The following BDP1 variants were observed in gnomAD, a reference collection of about 807,000 sequenced individuals.
BDP1 encodes transcription factor TFIIIB component B'' homolog.
In BDP1, 169 loss-of-function variants were observed where a neutral mutation model predicts 266.6. The observed-to-expected ratio is 0.63, with a 90% CI of 0.56 to 0.72. The LOEUF is 0.72. BDP1 is among the 30% of genes least tolerant of loss of function. The pLI is 0.00. For missense variants in BDP1, 3,015 were observed against 3,053.8 expected (o/e 0.99, Z 0.30); for synonymous variants, 1,090 against 1,022.4 (o/e 1.07, Z -1.26).
the BDP1 span, among the ~76,000 whole-genome samples, chr5:71,575,239 C>G: frequency 6.6e-6 from 1 of 152,116 alleles, no homozygotes; most frequent in Admixed American, 6.5e-5. Context: ...ACAATGAAAC[C>G]CTAATCCAAT....
chr5:71,542,206 A>G lies in BDP1; in HGVS notation c.6353A>G (p.Asp2118Gly). The stretch of plus-strand genomic sequence containing the variant: ...ACTTTAGGGACCAACAGGCTTGATG[A>G]TTATCAGGAAGTTTCCAGTTTGTGT... The part of the protein sequence containing the change: ...EKTLGTNRLD[D>G]YQEVSSLCVT... Residue 2118 changes from aspartate (D) to glycine (G), a missense_variant, in exon 30 of 39, where the codon GAT (aspartate) becomes GGT (glycine). By Grantham distance (94) the Asp-to-Gly change is moderately conservative. Around this residue, in one of 3 missense-constraint regions of BDP1, gnomAD observed 629 missense variants for 632.5 expected, o/e 0.99. Transcript: ENST00000358731. 6.2e-7 allele frequency: 1 copy of G among 1,613,470 alleles called. No homozygotes were observed. Among genetic ancestry groups the G allele is most frequent in the Non-Finnish European group, 8.5e-7 (1 of 1,179,810 alleles).
intron 4 of BDP1, 115 bp from the exon 5 acceptor site, chr5:71,465,981 A>T: frequency 9.0e-7 from 1 of 1,106,032 alleles, no homozygotes. Context: ...TTTGGATTAT[A>T]GGGAAAGTTG....
intron 32 of BDP1, among the ~76,000 whole-genome samples, chr5:71,547,904 C>T (rs1337306453): frequency 4.6e-5 from 7 of 151,646 alleles, no homozygotes; most frequent in Admixed American, 1.3e-4. Flanking sequence ...TGCAGTGAGC[C>T]GAGATTGTGC....
At chr5:71,549,634 T>C (rs1260824594) in intron 34 of BDP1, 28 bp downstream of exon 34, 2 of 1,565,324 alleles carry the variant, frequency 1.3e-6, no homozygotes, top group South Asian at 1.2e-5. Context: ...CTGTTTTTGC[T>C]AGGAGGAAAA....
chr5:71,469,554 T>A (rs1237357387), intron 6 of BDP1, among the ~76,000 whole-genome samples: 1 of 152,162 alleles, frequency 6.6e-6, no homozygotes, highest in Non-Finnish European at 1.5e-5. Flanking sequence ...GCACTTTGAA[T>A]AAGATCAGCT....
chr5:71,545,281 AGGTAT>A, intron 32 of BDP1, 62 bp downstream of exon 32: 2 of 1,352,488 alleles, frequency 1.5e-6, no homozygotes, highest in Non-Finnish European at 2.1e-6. Flanking sequence ...AAAAAAAAAA[AGGTAT>A]AATTTACATA....
intron 32 of BDP1, among the ~76,000 whole-genome samples, chr5:71,547,104 C>T (rs1480928267): frequency 6.6e-6 from 1 of 152,044 alleles, no homozygotes. Flanking sequence ...CTGCCCACCT[C>T]AGCCTCCCAA....
Position 71,510,890 on chromosome 5 carries a change from GAA to G in BDP1, c.3800_3801del (p.Lys1267SerfsTer9). 1 of 1,613,754 alleles carries G rather than the reference GAA, an allele frequency of 6.2e-7. No homozygotes were observed. Among genetic ancestry groups the G allele is most frequent in the Non-Finnish European group, 8.5e-7 (1 of 1,179,766 alleles). On this transcript the variant is annotated frameshift_variant, in exon 17 of 39. Coordinates refer to ENST00000358731, the MANE Select transcript of BDP1 (RefSeq NM_018429.3). LOFTEE classifies it high-confidence loss of function. ...GAAAAAGAGACATTCCCATCATGGAGAAAGTATCAGGAAAGATGGCTGTTGTT... is the reference window on the plus strand; with the variant it reads ...GAAAAAGAGACATTCCCATCATGGAGAGTATCAGGAAAGATGGCTGTTGTT... ...TGKRDIPIME[K>X]VSGKMAVVEE...
intron 13 of BDP1, among the ~76,000 whole-genome samples, chr5:71,498,998 A>G (rs1025011145): frequency 2.0e-5 from 3 of 151,880 alleles, no homozygotes; most frequent in Admixed American, 6.6e-5. Context: ...TGCTGGGATT[A>G]CAGGCATGAG....
chr5:71,532,293 A>C lies in BDP1; in HGVS notation c.5773-15A>C. On this transcript the variant is annotated splice_polypyrimidine_tract_variant and intron_variant, in intron 25 of 38. Transcript: ENST00000358731. ...TAATATGCCAAAATGAAATGATAAAACTTTATTTTGACAGCTTGAAATAAC... is the reference window on the plus strand; with the variant it reads ...TAATATGCCAAAATGAAATGATAAACCTTTATTTTGACAGCTTGAAATAAC... 1.9e-6 allele frequency: 3 copies of C among 1,611,062 alleles called. No homozygotes were observed. Among genetic ancestry groups the C allele is most frequent in the Non-Finnish European group, 2.5e-6 (3 of 1,178,556 alleles).
intron 14 of BDP1, among the ~76,000 whole-genome samples, chr5:71,502,027 T>G (rs931221471): frequency 3.3e-5 from 5 of 152,196 alleles, no homozygotes; most frequent in Non-Finnish European, 7.3e-5. Context: ...TACTATGATT[T>G]GGGACTAATC....
At chr5:71,500,446 C>A (rs1764166987) in intron 13 of BDP1, among the ~76,000 whole-genome samples, 1 of 151,406 alleles carries the variant, frequency 6.6e-6, no homozygotes, top group Non-Finnish European at 1.5e-5. Flanking sequence ...TGCCCTCAGC[C>A]TCCTGAGTGG....
At chr5:71,497,080 T>C (rs758102496) in intron 12 of BDP1, among the ~76,000 whole-genome samples, 190 bp from the exon 13 acceptor site, 6 of 152,232 alleles carry the variant, frequency 3.9e-5, no homozygotes, top group Admixed American at 6.5e-5. Flanking sequence ...CACACTGTTT[T>C]AATTACTGAT....
downstream of BDP1, among the ~76,000 whole-genome samples, chr5:71,572,685 G>T (rs1460218487): frequency 6.6e-6 from 1 of 152,194 alleles, no homozygotes; most frequent in Non-Finnish European, 1.5e-5. Context: ...GATGCTACAG[G>T]AGGTTATTAC....
the BDP1 span, among the ~76,000 whole-genome samples, chr5:71,578,100 A>G: frequency 1.3e-5 from 2 of 152,134 alleles, no homozygotes; most frequent in Admixed American, 6.6e-5. Flanking sequence ...GAGGTTATCT[A>G]CTGGGACATC....
intron 4 of BDP1, among the ~76,000 whole-genome samples, 191 bp from the exon 5 acceptor site, chr5:71,465,905 A>G (rs895289001): frequency 2.0e-5 from 3 of 152,168 alleles, no homozygotes; most frequent in African/African-American, 4.8e-5. Context: ...ACTTCTTACT[A>G]AATGTCTCGA....
At chr5:71,471,277 G>C (rs1259871659) in intron 7 of BDP1, among the ~76,000 whole-genome samples, 3 of 151,400 alleles carry the variant, frequency 2.0e-5, no homozygotes, top group African/African-American at 7.3e-5. Flanking sequence ...CTAGTAGCTA[G>C]GATTACAGGC....
rs547223698 is a variant in BDP1 at position 71,486,827 on chromosome 5, G to A, written c.1213+200G>A. Reference sequence around the variant, plus strand: ...CTTTCTTTTAAAATTTTTAACTGGCGTGATTGGGTTATTTGATATCTCTCT... The same window carrying A: ...CTTTCTTTTAAAATTTTTAACTGGCATGATTGGGTTATTTGATATCTCTCT... On this transcript the variant is annotated intron_variant, in intron 9 of 38. Coordinates refer to ENST00000358731, the MANE Select transcript of BDP1 (RefSeq NM_018429.3). Among the ~76,000 whole-genome samples, 268 of 152,268 alleles carry A rather than the reference G, an allele frequency of 1.8e-3. 1 individual carries two copies. The highest frequency in any genetic ancestry group is 4.0e-3 in the Admixed American group (61 of 15,296).
intron 32 of BDP1, among the ~76,000 whole-genome samples, chr5:71,546,502 C>G (rs1221673175): frequency 6.0e-5 from 9 of 151,028 alleles, no homozygotes; most frequent in Non-Finnish European, 2.9e-5. Flanking sequence ...CCTGTAATCC[C>G]AGCTACTTGG....
Sources: gnomAD v4.1 joint callset for allele counts (sites outside exome capture counted in the v4.1 genomes callset) on GRCh38, gnomAD v4.1.1 for gene constraint, gnomAD v4.1.1 regional missense constraint, MANE v1.5 for transcripts, NCBI Gene and HGNC (gene_info 2026-07-23, HGNC 2026-07-21) for gene names.